Variants in AFAP1 observed in about 807,000 individuals in gnomAD.
AFAP1 encodes actin filament associated protein 1, also known as actin filament-associated protein 1.
AFAP1 carries 75 observed loss-of-function variants against 93.9 expected under a neutral mutation model. That is an observed-to-expected ratio of 0.80 (90% CI 0.66 to 0.97). The LOEUF is 0.97. AFAP1 is among the 50% of genes least tolerant of loss of function. AFAP1 has a pLI of 0.00. For missense variants in AFAP1, 1,201 were observed against 1,050.8 expected, an observed-to-expected ratio of 1.14 and a Z score of -1.98; for synonymous variants, 517 against 430.7, an observed-to-expected ratio of 1.20 and a Z score of -2.48.
At chr4:7,790,063 C>T (rs1346236406) in intron 11 of AFAP1, among the ~76,000 whole-genome samples, 2 of 152,184 alleles carry the variant, frequency 1.3e-5, no homozygotes, top group Non-Finnish European at 2.9e-5. Context: ...CAGTCATGTA[C>T]AATGCACAAA....
At chr4:7,882,205 AATAG>A (rs1407720130) in intron 1 of AFAP1, among the ~76,000 whole-genome samples, 3 of 149,168 alleles carry the variant, frequency 2.0e-5, no homozygotes, top group African/African-American at 7.3e-5. Flanking sequence ...AACTAGGTTA[AATAG>A]ATAATTCATT....
intron 1 of AFAP1, among the ~76,000 whole-genome samples, chr4:7,896,898 C>A (rs1005064919): frequency 6.6e-6 from 1 of 151,716 alleles, no homozygotes; most frequent in Non-Finnish European, 1.5e-5. Flanking sequence ...TGATGCCTGG[C>A]AGCATGTGAC....
At chr4:7,769,256 C>A (rs948289703) in intron 16 of AFAP1, among the ~76,000 whole-genome samples, 1 of 152,182 alleles carries the variant, frequency 6.6e-6, no homozygotes, top group East Asian at 1.9e-4. Context: ...CCCGGCTGTG[C>A]CTGGGAAGCA....
intron 16 of AFAP1, chr4:7,772,460 TCA>T (rs1715569383): frequency 5.3e-6 from 1 of 189,520 alleles, no homozygotes; most frequent in Non-Finnish European, 1.1e-5. Context: ...GGCTTAACTC[TCA>T]GACATGTTAG....
At chr4:7,885,619 C>G (rs937316466) in intron 1 of AFAP1, among the ~76,000 whole-genome samples, 12 of 152,220 alleles carry the variant, frequency 7.9e-5, no homozygotes, top group Non-Finnish European at 1.2e-4. Flanking sequence ...GAAACAAGAA[C>G]ATGACACTCA....
chr4:7,778,559 C>T, intron 14 of AFAP1: 1 of 617,408 alleles, frequency 1.6e-6, no homozygotes, highest in East Asian at 2.8e-5. Flanking sequence ...CAGTTCTGGG[C>T]TTCAATTTAC....
intron 11 of AFAP1, among the ~76,000 whole-genome samples, chr4:7,790,350 T>C (rs1717752836): frequency 1.3e-5 from 2 of 152,224 alleles, no homozygotes; most frequent in South Asian, 2.1e-4. Flanking sequence ...TTTTAATAAA[T>C]ATTTTTAGTG....
chr4:7,869,297 A>T (rs1271902869), intron 2 of AFAP1, among the ~76,000 whole-genome samples: 1 of 152,238 alleles, frequency 6.6e-6, no homozygotes, highest in Non-Finnish European at 1.5e-5. Context: ...AAATGGCGGC[A>T]CTAGTGCCAG....
At chr4:7,794,094 G>A (rs1023067950) in intron 10 of AFAP1, among the ~76,000 whole-genome samples, 2 of 152,148 alleles carry the variant, frequency 1.3e-5, no homozygotes, top group African/African-American at 4.8e-5. Flanking sequence ...AAGGCACTAG[G>A]GTGTAAGACA....
At chr4:7,837,639 C>T (rs1185993538) in intron 6 of AFAP1, among the ~76,000 whole-genome samples, 2 of 152,148 alleles carry the variant, frequency 1.3e-5, no homozygotes, top group Non-Finnish European at 2.9e-5. Context: ...AACAGGAACA[C>T]ATTTAATAGC....
chr4:7,847,793 C>CGGGTG (rs1553845892), intron 4 of AFAP1, among the ~76,000 whole-genome samples: 26 of 102,090 alleles, frequency 2.5e-4, no homozygotes, highest in African/African-American at 8.4e-4. Flanking sequence ...CAGGGGTACT[C>CGGGTG]GGGGTGGGGC....
chr4:7,879,526 TC>T (rs1443192722), intron 1 of AFAP1, among the ~76,000 whole-genome samples: 68 of 152,122 alleles, frequency 4.5e-4, no homozygotes, highest in African/African-American at 1.4e-3. Flanking sequence ...GAAAAAATCT[TC>T]CCCAAACACC....
intron 10 of AFAP1, among the ~76,000 whole-genome samples, chr4:7,797,899 A>C (rs2149022841): frequency 6.6e-6 from 1 of 152,284 alleles, no homozygotes; most frequent in Admixed American, 6.5e-5. Flanking sequence ...GGCACGGGGG[A>C]GAGTACACAC....
At chr4:7,906,162 G>C (rs1404186338) in intron 1 of AFAP1, among the ~76,000 whole-genome samples, 1 of 152,118 alleles carries the variant, frequency 6.6e-6, no homozygotes, top group South Asian at 2.1e-4. Context: ...GTGACCTATC[G>C]AGAAAGAAAC....
intron 10 of AFAP1, among the ~76,000 whole-genome samples, chr4:7,796,566 G>A (rs533841440): frequency 2.6e-5 from 4 of 151,328 alleles, no homozygotes; most frequent in Admixed American, 6.6e-5. Flanking sequence ...TGGCTAACAC[G>A]GTGAAACCCT....
chr4:7,876,210 C>G (rs1052515877), intron 1 of AFAP1, among the ~76,000 whole-genome samples: 1 of 152,202 alleles, frequency 6.6e-6, no homozygotes, highest in Non-Finnish European at 1.5e-5. Context: ...GACCATGAGG[C>G]CGCTGTGCAA....
chr4:7,790,618 G>A (rs148581640), intron 11 of AFAP1, among the ~76,000 whole-genome samples: 3 of 151,838 alleles, frequency 2.0e-5, no homozygotes, highest in Admixed American at 2.0e-4. Context: ...CTGCTAGTTG[G>A]GCAGATTTTG....
intron 1 of AFAP1, among the ~76,000 whole-genome samples, chr4:7,888,632 G>C (rs1028423332): frequency 2.6e-5 from 4 of 152,094 alleles, no homozygotes; most frequent in Admixed American, 6.6e-5. Flanking sequence ...GTGAATTCTA[G>C]CAAATATTTC....
chr4:7,787,489 G>A (rs555127909), intron 11 of AFAP1, among the ~76,000 whole-genome samples: 7 of 152,348 alleles, frequency 4.6e-5, no homozygotes, highest in African/African-American at 1.7e-4. Context: ...GGCATCTGAA[G>A]TGGAGTCAGC....
Sources: gnomAD v4.1 joint callset for allele counts (sites outside exome capture counted in the v4.1 genomes callset) on GRCh38, gnomAD v4.1.1 for gene constraint, MANE v1.5 for transcripts, NCBI Gene and HGNC (gene_info 2026-07-23, HGNC 2026-07-21) for gene names.